The following FBN1 variants were observed in gnomAD, a reference collection of about 807,000 sequenced individuals.
FBN1 encodes fibrillin 1, also known as fibrillin-1.
A neutral mutation model predicts 365.1 loss-of-function variants in FBN1; 29 were observed. That is an observed-to-expected ratio of 0.08 (90% CI 0.06 to 0.11). The LOEUF is 0.11. Among genes scored for constraint, FBN1 ranks in the 10% least tolerant of loss-of-function variants. The pLI, the probability that FBN1 is intolerant of heterozygous loss-of-function variation, is 1.00. For missense variants in FBN1, 2,476 were observed against 3,703.2 expected, an observed-to-expected ratio of 0.67 and a Z score of 8.60; for synonymous variants, 1,210 against 1,270.5, an observed-to-expected ratio of 0.95 and a Z score of 1.01.
chr15:48,433,239 A>G (rs1449155686), intron 54 of FBN1, among the ~76,000 whole-genome samples: 1 of 152,136 alleles, frequency 6.6e-6, no homozygotes, highest in African/African-American at 2.4e-5. Flanking sequence ...TTGTCCTGGT[A>G]TAATTATTAA....
intron 9 of FBN1, among the ~76,000 whole-genome samples, chr15:48,522,684 GAAATA>G (rs1334386456): frequency 3.3e-5 from 5 of 151,884 alleles, no homozygotes; most frequent in Admixed American, 3.3e-4. Context: ...TTAATAAAAT[GAAATA>G]AAATAAAAAC....
chr15:48,441,165 A>G (rs962470173), intron 50 of FBN1, among the ~76,000 whole-genome samples: 3 of 152,196 alleles, frequency 2.0e-5, no homozygotes, highest in African/African-American at 7.2e-5. Flanking sequence ...GTCATTGGCA[A>G]ACCCTTGAAA....
At chr15:48,492,837 C>G (rs1566911037) in intron 23 of FBN1, among the ~76,000 whole-genome samples, 2 of 152,166 alleles carry the variant, frequency 1.3e-5, no homozygotes, top group Admixed American at 6.5e-5. Context: ...AGACAGGCAG[C>G]TGGTGTGAGT....
At chr15:48,577,215 C>G (rs879647083) in intron 6 of FBN1, among the ~76,000 whole-genome samples, 3 of 152,142 alleles carry the variant, frequency 2.0e-5, no homozygotes, top group Non-Finnish European at 4.4e-5. Flanking sequence ...CAGCTGGAAT[C>G]TCTTAATTCA....
At chr15:48,491,615 T>C (rs2043559165) in intron 24 of FBN1, among the ~76,000 whole-genome samples, 2 of 152,210 alleles carry the variant, frequency 1.3e-5, no homozygotes, top group Admixed American at 6.5e-5. Context: ...CCTCCCGAAG[T>C]GCTGGGATTA....
At chr15:48,612,061 T>C (rs540978410) in intron 3 of FBN1, among the ~76,000 whole-genome samples, 3 of 152,370 alleles carry the variant, frequency 2.0e-5, no homozygotes, top group South Asian at 2.1e-4. Context: ...GGTTCTATTA[T>C]AAAGTTCATT....
At chr15:48,585,923 A>C (rs886464338) in intron 6 of FBN1, among the ~76,000 whole-genome samples, 1 of 152,234 alleles carries the variant, frequency 6.6e-6, no homozygotes, top group East Asian at 1.9e-4. Context: ...AAGGAAACTT[A>C]AATATTGCAA....
intron 6 of FBN1, among the ~76,000 whole-genome samples, chr15:48,589,771 G>A (rs1206259651): frequency 1.3e-5 from 2 of 151,922 alleles, no homozygotes; most frequent in South Asian, 4.2e-4. Flanking sequence ...CCACCACCAC[G>A]CCCGGCTAAT....
chr15:48,503,219 C>G (rs1431814812), intron 17 of FBN1, among the ~76,000 whole-genome samples: 2 of 150,334 alleles, frequency 1.3e-5, no homozygotes, highest in Non-Finnish European at 2.9e-5. Flanking sequence ...ATCACTTGAA[C>G]CCGGGAGGCG....
intron 17 of FBN1, among the ~76,000 whole-genome samples, chr15:48,499,628 T>A (rs1029922698): frequency 3.3e-5 from 5 of 152,248 alleles, no homozygotes; most frequent in Non-Finnish European, 7.3e-5. Flanking sequence ...ATGTTAAAAC[T>A]GTGAGATCAT....
intron 6 of FBN1, among the ~76,000 whole-genome samples, chr15:48,538,496 G>A (rs1330714323): frequency 6.6e-6 from 1 of 152,066 alleles, no homozygotes; most frequent in Non-Finnish European, 1.5e-5. Flanking sequence ...CTAGGCAAAA[G>A]GACCATCTTA....
chr15:48,462,192 T>C (rs1225083756), intron 42 of FBN1, among the ~76,000 whole-genome samples: 4 of 152,310 alleles, frequency 2.6e-5, no homozygotes, highest in Non-Finnish European at 5.9e-5. Context: ...ATTCCCTTTA[T>C]AGAATACCCT....
At chr15:48,558,572 G>C (rs1262617372) in intron 6 of FBN1, among the ~76,000 whole-genome samples, 1 of 152,100 alleles carries the variant, frequency 6.6e-6, no homozygotes, top group Non-Finnish European at 1.5e-5. Context: ...TAAGAAGTTA[G>C]GCAGAATTAT....
Position 48,530,583 on chromosome 15 carries a change from G to T in FBN1, c.862+3497C>A, listed in dbSNP as rs544786245. ...AGATTTTTTTTTTTTTCAACTAATT[G>T]TATAGAGAGAGCCAGTTACCTTGAA... On this transcript the variant is annotated intron_variant, in intron 8 of 65. Coordinates refer to ENST00000316623, the MANE Select transcript of FBN1 (RefSeq NM_000138.5). 9.2e-4 allele frequency among the ~76,000 whole-genome samples: 136 copies of T among 148,544 alleles called. 1 individual carries two copies. Among genetic ancestry groups the T allele is most frequent in the Admixed American group, 4.7e-3 (70 of 14,948 alleles).
chr15:48,630,079 C>T (rs918070113), intron 2 of FBN1, among the ~76,000 whole-genome samples: 1 of 152,236 alleles, frequency 6.6e-6, no homozygotes, highest in Admixed American at 6.5e-5. Flanking sequence ...GAACAAATGA[C>T]TTCACTACAC....
intron 65 of FBN1, 119 bp downstream of exon 65, chr15:48,412,450 T>G (rs2042870982): frequency 3.9e-6 from 4 of 1,016,056 alleles, no homozygotes; most frequent in South Asian, 2.6e-5. Flanking sequence ...TCAGGGAATG[T>G]CTGGAGTTTC....
In FBN1 at chr15:48,463,998, C is replaced by T; in HGVS notation, c.4966G>A (p.Gly1656Arg). The change falls in exon 41 of 66, where the codon GGA becomes AGA. Residue 1656 changes from glycine to arginine, a missense_variant. Physicochemically the swap from Gly to Arg is moderately radical, Grantham distance 125 (BLOSUM62 -2). This residue lies in a region of FBN1 where 1,780 missense variants were observed against 2,840.8 expected (regional missense o/e 0.63). Transcript: ENST00000316623. ...TAACATGTCCCTGGACCACAGATTC[C>T]AGGAGTCTCACATTCATTCACATCT... Reference protein sequence around the residue: ...CDDVNECETPGICGPGTCYNT... With the variant: ...CDDVNECETPRICGPGTCYNT... 6.2e-7 allele frequency: 1 copy of T among 1,613,940 alleles called. No homozygotes were observed. The highest frequency in any genetic ancestry group is 8.5e-7 in the Non-Finnish European group (1 of 1,179,868).
intron 53 of FBN1, among the ~76,000 whole-genome samples, chr15:48,435,424 C>G (rs902690062): frequency 6.6e-6 from 1 of 151,648 alleles, no homozygotes; most frequent in Non-Finnish European, 1.5e-5. Flanking sequence ...CCCCAAGAAG[C>G]CTTAAACATG....
At chr15:48,617,420 G>A (rs1424529056) in intron 2 of FBN1, among the ~76,000 whole-genome samples, 6 of 152,122 alleles carry the variant, frequency 3.9e-5, no homozygotes, top group Non-Finnish European at 8.8e-5. Flanking sequence ...TGATCCGCCC[G>A]CCTCTGCCTC....
Sources: gnomAD v4.1 joint callset for allele counts (sites outside exome capture counted in the v4.1 genomes callset) on GRCh38, gnomAD v4.1.1 for gene constraint, gnomAD v4.1.1 regional missense constraint, MANE v1.5 for transcripts, NCBI Gene and HGNC (gene_info 2026-07-23, HGNC 2026-07-21) for gene names.